The following SEMA3C variants were observed in gnomAD, a reference collection of about 807,000 sequenced individuals.
SEMA3C encodes semaphorin-3C.
A neutral mutation model predicts 89.4 loss-of-function variants in SEMA3C; 47 were observed. The ratio of observed to expected loss-of-function variants is 0.53; its 90% CI spans 0.42 to 0.67. The LOEUF (loss-of-function observed/expected upper bound fraction) is 0.67, where lower values mean the gene tolerates loss of function less well. SEMA3C is among the 30% of genes least tolerant of loss of function. SEMA3C has a pLI of 0.00. For missense variants in SEMA3C, 839 were observed against 929.1 expected, an observed-to-expected ratio of 0.90 and a Z score of 1.26; for synonymous variants, 310 against 320.2, an observed-to-expected ratio of 0.97 and a Z score of 0.34.
At chr7:80,813,872 A>G (rs1012341998) in intron 5 of SEMA3C, among the ~76,000 whole-genome samples, 1 of 152,188 alleles carries the variant, frequency 6.6e-6, no homozygotes, top group Non-Finnish European at 1.5e-5. Flanking sequence ...TCTAACGTCA[A>G]TTATTGCATT....
intron 2 of SEMA3C, among the ~76,000 whole-genome samples, chr7:80,895,723 G>A (rs1295503633): frequency 6.6e-6 from 1 of 152,092 alleles, no homozygotes; most frequent in African/African-American, 2.4e-5. Context: ...GCTTTATAAT[G>A]AGGAGAATGC....
chr7:80,810,730 G>A (rs368473191), intron 5 of SEMA3C, 29 bp from the exon 6 acceptor site: 61 of 1,520,488 alleles, frequency 4.0e-5, no homozygotes, highest in African/African-American at 5.5e-5. Flanking sequence ...TTAAAATGTG[G>A]CAATGATAAC....
intron 2 of SEMA3C, 86 bp from the exon 3 acceptor site, chr7:80,828,831 C>A: frequency 9.7e-7 from 1 of 1,031,196 alleles, no homozygotes; most frequent in Non-Finnish European, 1.4e-6. Flanking sequence ...TGCAAATATT[C>A]CAAAAAATGT....
chr7:80,832,246 G>C (rs114286127), intron 2 of SEMA3C, among the ~76,000 whole-genome samples: 3,618 of 152,208 alleles, frequency 0.024, 93 homozygotes, highest in Admixed American at 0.074. Flanking sequence ...TCACAGTTCT[G>C]AGTTGAATTT....
intron 4 of SEMA3C, among the ~76,000 whole-genome samples, chr7:80,825,937 C>T (rs1272398611): frequency 6.6e-6 from 1 of 152,138 alleles, no homozygotes; most frequent in East Asian, 1.9e-4. Context: ...GTTTCTTCTA[C>T]ATTTTTCTGG....
chr7:80,848,604 T>A (rs1790442423), intron 2 of SEMA3C, among the ~76,000 whole-genome samples: 1 of 152,304 alleles, frequency 6.6e-6, no homozygotes, highest in South Asian at 2.1e-4. Context: ...GATAAAACAA[T>A]TATTAGTCCC....
intron 4 of SEMA3C, among the ~76,000 whole-genome samples, chr7:80,826,877 T>C (rs577483653): frequency 6.6e-6 from 1 of 152,290 alleles, no homozygotes; most frequent in South Asian, 2.1e-4. Context: ...ATTTTGAATC[T>C]CACCTAGAGG....
At chr7:80,786,883 GGT>G (rs1562874596) in intron 12 of SEMA3C, among the ~76,000 whole-genome samples, 1 of 152,146 alleles carries the variant, frequency 6.6e-6, no homozygotes, top group African/African-American at 2.4e-5. Context: ...TTAACTGCTC[GGT>G]GGAGAGTTTT....
At chr7:80,899,261 G>A (rs879533430) in intron 2 of SEMA3C, among the ~76,000 whole-genome samples, 8 of 152,106 alleles carry the variant, frequency 5.3e-5, no homozygotes, top group South Asian at 2.1e-4. Flanking sequence ...GGCTGGTCTC[G>A]AACTCCTGAC....
chr7:80,911,982 C>T (rs1792163663), intron 2 of SEMA3C, among the ~76,000 whole-genome samples: 2 of 152,032 alleles, frequency 1.3e-5, no homozygotes, highest in Admixed American at 6.6e-5. Flanking sequence ...ATTAACAAAA[C>T]ACTCAAGCTC....
At chr7:80,916,246 G>C (rs1262008548) in intron 2 of SEMA3C, among the ~76,000 whole-genome samples, 2 of 152,168 alleles carry the variant, frequency 1.3e-5, no homozygotes, top group Non-Finnish European at 2.9e-5. Context: ...GGAGTAACCA[G>C]TTTTGAGACT....
chr7:80,858,740 A>G (rs2115976613), intron 2 of SEMA3C, among the ~76,000 whole-genome samples: 1 of 152,304 alleles, frequency 6.6e-6, no homozygotes, highest in South Asian at 2.1e-4. Flanking sequence ...ATGCATACAT[A>G]TTAGAGGCCA....
chr7:80,821,507 C>T (rs1280593182), intron 4 of SEMA3C, among the ~76,000 whole-genome samples: 2 of 152,144 alleles, frequency 1.3e-5, no homozygotes, highest in Non-Finnish European at 2.9e-5. Context: ...GCAACCTCCG[C>T]TTCCCGGGTT....
chr7:80,834,094 G>A (rs1470558446), intron 2 of SEMA3C, among the ~76,000 whole-genome samples: 2 of 151,980 alleles, frequency 1.3e-5, no homozygotes, highest in African/African-American at 2.4e-5. Flanking sequence ...CTCAATTAAC[G>A]AATAAGGGAC....
At chr7:80,881,808 G>A (rs1416687596) in intron 2 of SEMA3C, among the ~76,000 whole-genome samples, 13 of 152,092 alleles carry the variant, frequency 8.5e-5, no homozygotes, top group Non-Finnish European at 1.2e-4. Context: ...CAGTGTGAGG[G>A]GGAAAATATC....
In SEMA3C at chr7:80,798,242, A is replaced by G; in HGVS notation, c.987-6T>C. ...CTGATCCTTTGAAAACTGAGCTAAAAAAGAAAACAGAAAAAGGCATTTTCA... is the reference window on the plus strand; with the variant it reads ...CTGATCCTTTGAAAACTGAGCTAAAGAAGAAAACAGAAAAAGGCATTTTCA... On this transcript the variant is annotated splice_region_variant and splice_polypyrimidine_tract_variant and intron_variant, in intron 10 of 17. Transcript: ENST00000265361. The G allele has an allele frequency of 7.0e-7, 1 of 1,426,134 alleles. No homozygotes were observed. Among genetic ancestry groups the G allele is most frequent in the Non-Finnish European group, 9.2e-7 (1 of 1,084,290 alleles). 88.3% of individuals were successfully genotyped at this position (1,426,134 alleles called of 1,614,324 possible).
At chr7:80,827,644 ATTATT>A (rs1437120272) in intron 3 of SEMA3C, among the ~76,000 whole-genome samples, 157 bp from the exon 4 acceptor site, 2 of 151,992 alleles carry the variant, frequency 1.3e-5, no homozygotes, top group Admixed American at 6.6e-5. Context: ...TAAAGATTCT[ATTATT>A]TTAACAATTA....
At chr7:80,788,069 C>G (rs1788845184) in intron 12 of SEMA3C, among the ~76,000 whole-genome samples, 1 of 152,072 alleles carries the variant, frequency 6.6e-6, no homozygotes, top group African/African-American at 2.4e-5. Flanking sequence ...AAATAAAAAC[C>G]TTATCTTAGC....
At chr7:80,905,722 T>C (rs1791998014) in intron 2 of SEMA3C, 1 of 514,210 alleles carries the variant, frequency 1.9e-6, no homozygotes, top group Non-Finnish European at 3.5e-6. Context: ...TTTAAGATAA[T>C]TTTTGCTTTT....
Sources: allele counts gnomAD v4.1 joint callset (sites outside exome capture counted in the v4.1 genomes callset), GRCh38; gene constraint gnomAD v4.1.1; transcripts MANE v1.5; gene names NCBI Gene and HGNC (gene_info 2026-07-23, HGNC 2026-07-21).